The following GRIA3 variants were observed in gnomAD, a reference collection of about 807,000 sequenced individuals.
GRIA3 encodes the protein glutamate receptor 3.
Under a neutral mutation model 63.0 loss-of-function variants are expected in GRIA3, and 3 were observed. The observed-to-expected ratio is 0.05, with a 90% CI of 0.02 to 0.12. The LOEUF (loss-of-function observed/expected upper bound fraction) is 0.12. GRIA3 is among the 10% of genes least tolerant of loss of function. The pLI, the probability that GRIA3 is intolerant of heterozygous loss-of-function variation, is 1.00. For missense variants in GRIA3, 347 were observed against 700.9 expected (o/e 0.50, Z 5.70); for synonymous variants, 274 against 257.9 (o/e 1.06, Z -0.60).
At chrX:123,289,032 A>G (rs1356745034) in intron 3 of GRIA3, among the ~76,000 whole-genome samples, 1 of 112,283 alleles carries the variant, frequency 8.9e-6, no homozygotes, top group East Asian at 2.8e-4. Flanking sequence ...ATGCCCATCA[A>G]TGATAGACTG....
At chrX:123,209,396 T>C (rs1373674506) in intron 2 of GRIA3, among the ~76,000 whole-genome samples, 1 of 112,089 alleles carries the variant, frequency 8.9e-6, no homozygotes, top group African/African-American at 3.2e-5. Flanking sequence ...TTTGATGTGT[T>C]TGTTCTTGGT....
intron 3 of GRIA3, among the ~76,000 whole-genome samples, chrX:123,323,156 AG>A (rs1406994343): frequency 8.9e-6 from 1 of 112,277 alleles, no homozygotes; most frequent in Non-Finnish European, 1.9e-5. Flanking sequence ...ACTAAATGAC[AG>A]TGAAAATAAA....
intron 3 of GRIA3, among the ~76,000 whole-genome samples, chrX:123,299,758 A>G (rs1264122168): frequency 9.0e-6 from 1 of 111,187 alleles, no homozygotes; most frequent in Non-Finnish European, 1.9e-5. Context: ...AGAACTTCCA[A>G]TACTATGCTG....
chrX:123,207,689 A>G (rs971601221), intron 2 of GRIA3, among the ~76,000 whole-genome samples: 1 of 111,981 alleles, frequency 8.9e-6, no homozygotes, highest in Admixed American at 9.5e-5. Context: ...ATGTGTCACC[A>G]CCATTAAGAT....
At chrX:123,225,805 C>A (rs987880807) in intron 2 of GRIA3, among the ~76,000 whole-genome samples, 1 of 111,198 alleles carries the variant, frequency 9.0e-6, no homozygotes, top group Non-Finnish European at 1.9e-5. Context: ...GAAGTTGGGA[C>A]CTTAGAGGCT....
intron 5 of GRIA3, among the ~76,000 whole-genome samples, chrX:123,372,936 G>T (rs5911607): frequency 9.3e-6 from 1 of 106,995 alleles, no homozygotes; most frequent in African/African-American, 3.4e-5. Flanking sequence ...ACAACATGCA[G>T]GTTTGTGCCA....
intron 5 of GRIA3, among the ~76,000 whole-genome samples, chrX:123,378,650 A>G (rs1189384365): frequency 9.0e-6 from 1 of 110,813 alleles, no homozygotes; most frequent in East Asian, 2.8e-4. Flanking sequence ...ACCTCAAGTG[A>G]TCTGCCCACC....
chrX:123,259,513 G>GCGCA (rs1556254504), intron 3 of GRIA3, among the ~76,000 whole-genome samples: 30 of 105,650 alleles, frequency 2.8e-4, no homozygotes, highest in South Asian at 8.6e-4. Context: ...TCATGCGCGC[G>GCGCA]CACACACACA....
rs1478199841 is a variant in GRIA3, at chrX:123,488,753, G to GA, written c.*47dup. ...AGGCATGTGATGAGAGGAAATCACC[G>GA]AAAACGTGGCTGCTTCAAGGATCCT... is the stretch of plus-strand genomic sequence containing the variant. On this transcript the variant is annotated 3_prime_UTR_variant, in exon 16 of 16. Transcript: ENST00000620443. 9.0e-6 allele frequency: 1 copy of GA among 111,113 alleles called. No homozygotes were observed. Among genetic ancestry groups the GA allele is most frequent in the Non-Finnish European group, 1.9e-5 (1 of 52,963 alleles). 9.2% of individuals were successfully genotyped at this position (111,113 alleles called of 1,213,427 possible).
At chrX:123,419,629 G>A (rs919397944) in intron 11 of GRIA3, among the ~76,000 whole-genome samples, 3 of 110,985 alleles carry the variant, frequency 2.7e-5, no homozygotes, top group African/African-American at 6.6e-5. Flanking sequence ...AGGCAAGTGA[G>A]CCTGAGTAAA....
chrX:123,191,606 C>A (rs1927436326), intron 2 of GRIA3, among the ~76,000 whole-genome samples: 1 of 111,451 alleles, frequency 9.0e-6, no homozygotes, highest in Non-Finnish European at 1.9e-5. Context: ...GTCTAACTCC[C>A]TTTTGCTGGT....
At chrX:123,257,402 G>T (rs1286597052) in intron 3 of GRIA3, among the ~76,000 whole-genome samples, 1 of 108,847 alleles carries the variant, frequency 9.2e-6, no homozygotes, top group African/African-American at 3.4e-5. Context: ...AGGAAGGAAG[G>T]GTGGGTATGG....
At chrX:123,253,918 C>T in intron 3 of GRIA3, among the ~76,000 whole-genome samples, 1 of 111,598 alleles carries the variant, frequency 9.0e-6, no homozygotes, top group Non-Finnish European at 1.9e-5. Context: ...CTGTCAGAAA[C>T]TGTAATTATC....
At chrX:123,184,941 T>C (rs1370570179) in intron 1 of GRIA3, 1 of 431,011 alleles carries the variant, frequency 2.3e-6, no homozygotes, top group Non-Finnish European at 4.3e-6. Flanking sequence ...GAGGCTGGGA[T>C]GCTGCAAGGG....
intron 5 of GRIA3, among the ~76,000 whole-genome samples, chrX:123,392,200 C>T (rs2045390612): frequency 8.9e-6 from 1 of 112,147 alleles, no homozygotes; most frequent in Non-Finnish European, 1.9e-5. Flanking sequence ...GCAGGGGAGC[C>T]TTTCCTCAGG....
intron 3 of GRIA3, among the ~76,000 whole-genome samples, chrX:123,294,008 C>A (rs2044670875): frequency 1.9e-5 from 2 of 108,049 alleles, no homozygotes; most frequent in Admixed American, 1.0e-4. Context: ...TCTTTCAAGT[C>A]AATTTAAGTC....
At chrX:123,280,362 T>G (rs2044578933) in intron 3 of GRIA3, among the ~76,000 whole-genome samples, 1 of 112,478 alleles carries the variant, frequency 8.9e-6, no homozygotes. Context: ...CATCTTTTTT[T>G]GTGGTGCTTT....
chrX:123,366,832 A>G (rs984025681), intron 5 of GRIA3, among the ~76,000 whole-genome samples: 1 of 111,523 alleles, frequency 9.0e-6, no homozygotes, highest in African/African-American at 3.3e-5. Flanking sequence ...GAGAAGGTTT[A>G]ATTGGAGAGT....
chrX:123,197,078 A>C (rs768764150), intron 2 of GRIA3, among the ~76,000 whole-genome samples: 14 of 112,223 alleles, frequency 1.2e-4, no homozygotes, highest in African/African-American at 3.2e-4. Flanking sequence ...TGGAATGAAC[A>C]ATGGGACAGA....
Sources: gnomAD v4.1 joint callset for allele counts (sites outside exome capture counted in the v4.1 genomes callset) on GRCh38, gnomAD v4.1.1 for gene constraint, MANE v1.5 for transcripts, NCBI Gene and HGNC (gene_info 2026-07-23, HGNC 2026-07-21) for gene names.